The following KCNG2 variants were observed in gnomAD, a reference collection of about 807,000 sequenced individuals.
KCNG2 encodes the protein potassium voltage-gated channel modifier subfamily G member 2.
Under a neutral mutation model 12.3 loss-of-function variants are expected in KCNG2, and 7 were observed. That is an observed-to-expected ratio of 0.57 (90% CI 0.32 to 1.07). The LOEUF (loss-of-function observed/expected upper bound fraction) is 1.07. KCNG2 is among the 50% of genes least tolerant of loss of function. The probability of loss-of-function intolerance (pLI) is 0.04; values close to 1 mark genes in which losing one functional copy is unlikely to be tolerated. For missense variants in KCNG2, 703 were observed against 726.0 expected (o/e 0.97, Z 0.36); for synonymous variants, 414 against 351.4 (o/e 1.18, Z -1.99).
intron 3 of KCNG2, among the ~76,000 whole-genome samples, chr18:79,894,144 T>C (rs1235935793): frequency 1.3e-5 from 2 of 152,126 alleles, no homozygotes; most frequent in Admixed American, 1.3e-4. Context: ...TTTGATTGGG[T>C]TGTTCACACC....
chr18:79,888,324 TGGGGCTGGGTCGGCCCTGAGGCTGCAGG>T lies in KCNG2; in HGVS notation c.625-10706_625-10679del, dbSNP rs541427642. Among the ~76,000 whole-genome samples the T allele has an allele frequency of 2.1e-3, 314 of 152,050 alleles. 21 individuals carry two copies. The South Asian group carries it at 0.063, about 30-fold the overall frequency. ...CCTGAGAAGGTCCCCAGCCCACATC[TGGGGCTGGGTCGGCCCTGAGGCTGCAGG>T]GGGGCTGGGACAGCAGCATCCTCCT... On this transcript the variant is annotated intron_variant, in intron 3 of 3. Coordinates refer to ENST00000316249, the MANE Select transcript of KCNG2 (RefSeq NM_012283.2).
chr18:79,885,532 G>A (rs541058542), intron 3 of KCNG2, among the ~76,000 whole-genome samples: 3 of 152,304 alleles, frequency 2.0e-5, no homozygotes, highest in East Asian at 1.9e-4. Context: ...GCAGGGCGGC[G>A]CTCAGAACAC....
chr18:79,870,703 A>G (rs978817361), intron 3 of KCNG2, among the ~76,000 whole-genome samples: 1 of 152,222 alleles, frequency 6.6e-6, no homozygotes, highest in Non-Finnish European at 1.5e-5. Flanking sequence ...AACTCACATG[A>G]TTAAATTGAG....
chr18:79,819,272 G>A (rs971330852), intron 1 of KCNG2, among the ~76,000 whole-genome samples: 5 of 152,204 alleles, frequency 3.3e-5, no homozygotes, highest in African/African-American at 4.8e-5. Context: ...AGGACACCAC[G>A]GAGCAGCTCA....
At chr18:79,891,724 G>T (rs1980750346) in intron 3 of KCNG2, among the ~76,000 whole-genome samples, 1 of 152,170 alleles carries the variant, frequency 6.6e-6, no homozygotes, top group African/African-American at 2.4e-5. Context: ...TATTGTGGAT[G>T]GAGAGTATAT....
At chr18:79,828,922 CTATG>C (rs1978288687) in intron 1 of KCNG2, among the ~76,000 whole-genome samples, 1 of 127,632 alleles carries the variant, frequency 7.8e-6, no homozygotes, top group East Asian at 2.4e-4. Flanking sequence ...CTGTGTGTGT[CTATG>C]TGTGCGTGTG....
chr18:79,866,505 T>C (rs1186833513), intron 3 of KCNG2, among the ~76,000 whole-genome samples: 1 of 131,208 alleles, frequency 7.6e-6, no homozygotes, highest in African/African-American at 3.0e-5. Flanking sequence ...GAGGTCTGGG[T>C]GCTGAGGTCT....
chr18:79,869,866 A>T (rs1445939688), intron 3 of KCNG2, among the ~76,000 whole-genome samples: 6 of 152,174 alleles, frequency 3.9e-5, no homozygotes, highest in African/African-American at 1.4e-4. Context: ...CGACCTGCAG[A>T]CACCTCAGCC....
chr18:79,896,690 C>T (rs1292105643), intron 3 of KCNG2, among the ~76,000 whole-genome samples: 2 of 152,206 alleles, frequency 1.3e-5, no homozygotes, highest in Non-Finnish European at 1.5e-5. Flanking sequence ...CTTTTTGTGT[C>T]GATCCAGATT....
intron 3 of KCNG2, among the ~76,000 whole-genome samples, chr18:79,876,692 C>T (rs1666060118): frequency 6.6e-6 from 1 of 152,238 alleles, no homozygotes; most frequent in African/African-American, 2.4e-5. Flanking sequence ...GGTGAATCAT[C>T]AACGACACCC....
chr18:79,879,670 G>A (rs1423199065), intron 3 of KCNG2, among the ~76,000 whole-genome samples: 1 of 152,200 alleles, frequency 6.6e-6, no homozygotes, highest in Admixed American at 6.5e-5. Flanking sequence ...TGGCCTACCA[G>A]GGTTCCAGAA....
intron 1 of KCNG2, among the ~76,000 whole-genome samples, chr18:79,854,207 G>A (rs1283280628): frequency 2.6e-5 from 4 of 152,192 alleles, no homozygotes; most frequent in African/African-American, 7.2e-5. Context: ...ATCACTGCCC[G>A]GCAGAGCCTC....
At chr18:79,846,069 C>T (rs1373720820) in intron 1 of KCNG2, among the ~76,000 whole-genome samples, 2 of 132,670 alleles carry the variant, frequency 1.5e-5, no homozygotes, top group African/African-American at 2.9e-5. Flanking sequence ...CCAGCCTGGG[C>T]GAAAGAGTGA....
rs2123066681 is a variant in KCNG2 at position 79,863,693 on chromosome 18, G to GCGA, written c.28_29insACG (p.Gly9_Gly10insAsp). On this transcript the variant is annotated inframe_insertion, in exon 3 of 4. Coordinates refer to ENST00000316249, the MANE Select transcript of KCNG2 (RefSeq NM_012283.2). ...ATGGAGCCATGGCCCTGCTCCCCGG[G>GCGA]CGGCGGCGGCGGGACCCGCGCCCGG... 2 of 1,115,568 alleles carry GCGA rather than the reference G, an allele frequency of 1.8e-6. No homozygotes were observed. The highest frequency in any genetic ancestry group is 2.2e-6 in the Non-Finnish European group (2 of 892,998). 69.1% of individuals were successfully genotyped at this position (1,115,568 alleles called of 1,614,324 possible). A position where few individuals can be genotyped will look rare whatever the true frequency, so the allele number is the denominator to read the frequency against.
At chr18:79,882,608 C>T (rs1980341359) in intron 3 of KCNG2, among the ~76,000 whole-genome samples, 1 of 152,258 alleles carries the variant, frequency 6.6e-6, no homozygotes. Context: ...CAGAGTTAAG[C>T]CACAGGAGCT....
At chr18:79,861,602 G>A (rs1418892396) in intron 2 of KCNG2, among the ~76,000 whole-genome samples, 1 of 152,218 alleles carries the variant, frequency 6.6e-6, no homozygotes, top group African/African-American at 2.4e-5. Context: ...AGTTTGTGGT[G>A]TGTCAGTGTG....
chr18:79,799,337 G>T (rs1415777235), intron 1 of KCNG2, among the ~76,000 whole-genome samples: 2 of 152,138 alleles, frequency 1.3e-5, no homozygotes, highest in African/African-American at 2.4e-5. Flanking sequence ...GCGGAAGAGG[G>T]GACCCTCCTC....
At chr18:79,887,530 C>G (rs573484253) in intron 3 of KCNG2, among the ~76,000 whole-genome samples, 2 of 152,140 alleles carry the variant, frequency 1.3e-5, no homozygotes, top group Non-Finnish European at 2.9e-5. Flanking sequence ...AGGACTCAGC[C>G]TGGGCACCTC....
At chr18:79,852,600 G>A (rs771106790) in intron 1 of KCNG2, among the ~76,000 whole-genome samples, 10 of 152,368 alleles carry the variant, frequency 6.6e-5, no homozygotes, top group Admixed American at 4.6e-4. Context: ...GCTTCGCCCT[G>A]ACAGTGACGA....
Sources: gnomAD v4.1 joint callset for allele counts (sites outside exome capture counted in the v4.1 genomes callset) on GRCh38, gnomAD v4.1.1 for gene constraint, MANE v1.5 for transcripts, NCBI Gene and HGNC (gene_info 2026-07-23, HGNC 2026-07-21) for gene names.